The following PARD3 variants were observed in gnomAD, a reference collection of about 807,000 sequenced individuals.
The protein encoded by PARD3 is partitioning defective 3 homolog.
In PARD3, 75 loss-of-function variants were observed where a neutral mutation model predicts 155.4. The observed-to-expected ratio is 0.48, with a 90% CI of 0.40 to 0.58. PARD3 has a LOEUF of 0.58. Ranked by LOEUF, PARD3 falls within the 20% of genes least tolerant of loss-of-function variation. The probability of loss-of-function intolerance (pLI) is 0.00; values close to 1 mark genes in which losing one functional copy is unlikely to be tolerated. For synonymous variants in PARD3, 576 were observed against 610.5 expected, an observed-to-expected ratio of 0.94 and a Z score of 0.83; for missense variants, 1,642 against 1,721.7, an observed-to-expected ratio of 0.95 and a Z score of 0.82.
chr10:34,722,661 C>T (rs911188044), intron 1 of PARD3, among the ~76,000 whole-genome samples: 1 of 152,148 alleles, frequency 6.6e-6, no homozygotes, highest in Admixed American at 6.5e-5. Context: ...GCCTATGCTC[C>T]GAAAGCTGTT....
chr10:34,266,401 G>C (rs1392105818), intron 22 of PARD3, among the ~76,000 whole-genome samples: 1 of 152,120 alleles, frequency 6.6e-6, no homozygotes, highest in Non-Finnish European at 1.5e-5. Flanking sequence ...CAACTTTTTG[G>C]ATTAGTAACA....
intron 2 of PARD3, among the ~76,000 whole-genome samples, chr10:34,582,193 A>G (rs1326647945): frequency 6.6e-6 from 1 of 152,210 alleles, no homozygotes; most frequent in Non-Finnish European, 1.5e-5. Context: ...AACTTTCTTG[A>G]CAGTGTTTCT....
chr10:34,630,963 T>C (rs547721442), intron 2 of PARD3, among the ~76,000 whole-genome samples: 2 of 151,654 alleles, frequency 1.3e-5, no homozygotes, highest in South Asian at 4.2e-4. Flanking sequence ...TACAGGTGCA[T>C]GCCACCACGC....
At chr10:34,759,697 G>A (rs1176283909) in intron 1 of PARD3, among the ~76,000 whole-genome samples, 1 of 152,228 alleles carries the variant, frequency 6.6e-6, no homozygotes, top group Non-Finnish European at 1.5e-5. Flanking sequence ...CAGGCAACAT[G>A]CTACGCACAA....
rs768387983 is a variant in PARD3, at chr10:34,284,233, A to G, written c.3078T>C (p.His1026=). Residue 1026 remains histidine, a synonymous_variant, in exon 21 of 25, where the codon CAT becomes CAC. Transcript: ENST00000374788. ...GLGDMFRFGK[H]RKDDKIEKTG... ...TTTTCTCAATCTTGTCATCTTTTCG[A>G]TGTTTGCCAAACCTGTTAATAACAA... 6.2e-7 allele frequency: 1 copy of G among 1,605,152 alleles called. No homozygotes were observed. Among genetic ancestry groups the G allele is most frequent in the South Asian group, 1.1e-5 (1 of 89,674 alleles).
chr10:34,155,000 T>C (rs1948940389), intron 22 of PARD3, among the ~76,000 whole-genome samples: 1 of 152,182 alleles, frequency 6.6e-6, no homozygotes. Context: ...GTAACAATAA[T>C]AGACAAGACA....
At chr10:34,183,772 CT>C (rs1247164052) in intron 22 of PARD3, among the ~76,000 whole-genome samples, 1 of 152,208 alleles carries the variant, frequency 6.6e-6, no homozygotes, top group Non-Finnish European at 1.5e-5. Flanking sequence ...GCCCCCCTCC[CT>C]TTTCTCTGTA....
intron 2 of PARD3, among the ~76,000 whole-genome samples, chr10:34,518,897 T>C (rs1025077897): frequency 6.6e-6 from 1 of 152,202 alleles, no homozygotes; most frequent in African/African-American, 2.4e-5. Flanking sequence ...GTGGAGAAAC[T>C]TGGCAGCCAC....
chr10:34,405,959 T>C (rs1416622192), intron 5 of PARD3, among the ~76,000 whole-genome samples: 1 of 152,162 alleles, frequency 6.6e-6, no homozygotes, highest in Non-Finnish European at 1.5e-5. Flanking sequence ...GAAAAGATTG[T>C]CCACAATGAA....
chr10:34,601,412 C>T (rs74748573), intron 2 of PARD3, among the ~76,000 whole-genome samples: 3,415 of 152,170 alleles, frequency 0.022, 131 homozygotes, highest in African/African-American at 0.078. Context: ...CTGCACTCTA[C>T]CTTGGATGAC....
intron 22 of PARD3, among the ~76,000 whole-genome samples, chr10:34,260,471 A>C (rs550694102): frequency 6.6e-6 from 1 of 152,134 alleles, no homozygotes; most frequent in Non-Finnish European, 1.5e-5. Flanking sequence ...GCTATTAAGG[A>C]GAGGCAAGTG....
At chr10:34,123,940 G>A (rs935882869) in intron 23 of PARD3, among the ~76,000 whole-genome samples, 24 of 152,150 alleles carry the variant, frequency 1.6e-4, no homozygotes, top group African/African-American at 5.6e-4. Flanking sequence ...CTTAATATGC[G>A]AGTGTGCTGC....
intron 2 of PARD3, among the ~76,000 whole-genome samples, chr10:34,552,119 C>A (rs2084627719): frequency 6.6e-6 from 1 of 152,128 alleles, no homozygotes; most frequent in Non-Finnish European, 1.5e-5. Flanking sequence ...AAAAAATCAT[C>A]ATTTATTATA....
intron 1 of PARD3, among the ~76,000 whole-genome samples, chr10:34,705,396 G>A (rs528000711): frequency 4.6e-5 from 7 of 151,972 alleles, no homozygotes; most frequent in South Asian, 2.1e-4. Context: ...GCTAAAGCAG[G>A]AGGATCACTT....
chr10:34,768,063 T>A (rs751150963), intron 1 of PARD3, among the ~76,000 whole-genome samples: 3 of 152,216 alleles, frequency 2.0e-5, no homozygotes, highest in Non-Finnish European at 4.4e-5. Context: ...AACATCTCCT[T>A]ACGTTGTCAG....
intron 22 of PARD3, among the ~76,000 whole-genome samples, chr10:34,247,513 A>G (rs961268194): frequency 1.3e-5 from 2 of 152,210 alleles, no homozygotes; most frequent in Non-Finnish European, 2.9e-5. Context: ...CAAAACAAAC[A>G]AAACAAAAAA....
At chr10:34,444,355 G>C (rs567822708) in intron 5 of PARD3, among the ~76,000 whole-genome samples, 1 of 152,178 alleles carries the variant, frequency 6.6e-6, no homozygotes, top group East Asian at 1.9e-4. Flanking sequence ...TAAAGTGTGG[G>C]AATATAAGAA....
intron 22 of PARD3, among the ~76,000 whole-genome samples, chr10:34,167,746 C>T (rs1223125306): frequency 6.6e-6 from 1 of 152,156 alleles, no homozygotes. Context: ...GCCAGAATAA[C>T]TTGTTTACGC....
chr10:34,590,460 T>C (rs2088567684), intron 2 of PARD3, among the ~76,000 whole-genome samples: 1 of 152,258 alleles, frequency 6.6e-6, no homozygotes, highest in Non-Finnish European at 1.5e-5. Context: ...ACTGTAATAC[T>C]GTATAATCCA....
Sources: gnomAD v4.1 joint callset for allele counts (sites outside exome capture counted in the v4.1 genomes callset) on GRCh38, gnomAD v4.1.1 for gene constraint, MANE v1.5 for transcripts, NCBI Gene and HGNC (gene_info 2026-07-23, HGNC 2026-07-21) for gene names.